CCDC192: variants seen among roughly 807,000 people sequenced by gnomAD.
The protein encoded by CCDC192 is coiled-coil domain-containing protein 192.
chr5:127,810,471 G>T (rs1386322845), intron 5 of CCDC192, among the ~76,000 whole-genome samples: 1 of 152,144 alleles, frequency 6.6e-6, no homozygotes, highest in Non-Finnish European at 1.5e-5. Context: ...ATGCTAAAAA[G>T]GGTAGTCTAG....
At chr5:127,920,349 T>C (rs765824652) in intron 6 of CCDC192, among the ~76,000 whole-genome samples, 2 of 151,342 alleles carry the variant, frequency 1.3e-5, no homozygotes, top group African/African-American at 4.9e-5. Context: ...ATGATGATGA[T>C]CATCATTATG....
chr5:127,906,004 A>C lies in CCDC192; in HGVS notation c.535+30343A>C, dbSNP rs7719995. 2.3e-3 allele frequency among the ~76,000 whole-genome samples: 352 copies of C among 152,306 alleles called. 2 individuals carry two copies. Among genetic ancestry groups the C allele is most frequent in the African/African-American group, 8.2e-3 (340 of 41,564 alleles). On this transcript the variant is annotated intron_variant, in intron 6 of 6. Coordinates refer to ENST00000514853, the MANE Select transcript of CCDC192 (RefSeq NM_001317938.2). ...TCAAAAATCACTTCTTTTTTTTATA[A>C]CTGTTTTTTTATTGTGGTAAAATAT...
chr5:127,827,557 A>G lies in CCDC192; in HGVS notation c.411+29395A>G, dbSNP rs576364997. Among the ~76,000 whole-genome samples the G allele has an allele frequency of 7.2e-5, 11 of 152,344 alleles. No individual in the cohort carries two copies. In the East Asian group the frequency reaches 2.1e-3, roughly 29 times the overall value. ...CTGGCATGGTTTATGGTGTCTTTAA[A>G]TACGGAACCAATCTGTTCTTAAATA... is the stretch of plus-strand genomic sequence containing the variant. On this transcript the variant is annotated intron_variant, in intron 5 of 6. Coordinates refer to ENST00000514853, the MANE Select transcript of CCDC192 (RefSeq NM_001317938.2).
intron 2 of CCDC192, among the ~76,000 whole-genome samples, chr5:127,708,092 T>C (rs1751073762): frequency 1.3e-5 from 2 of 152,190 alleles, no homozygotes; most frequent in South Asian, 4.1e-4. Context: ...TTTTGAAGTG[T>C]CAGCTTGTGT....
intron 2 of CCDC192, among the ~76,000 whole-genome samples, chr5:127,720,959 C>A (rs188041331): frequency 6.6e-6 from 1 of 152,352 alleles, no homozygotes; most frequent in East Asian, 1.9e-4. Context: ...CAAAACCATT[C>A]TTTCTTCCTT....
At chr5:127,914,003 G>A (rs1392159299) in intron 6 of CCDC192, among the ~76,000 whole-genome samples, 2 of 152,214 alleles carry the variant, frequency 1.3e-5, no homozygotes, top group Admixed American at 6.5e-5. Flanking sequence ...AAATGGAGAG[G>A]GGGGTAGAAA....
chr5:127,899,395 A>G (rs1324163579), intron 6 of CCDC192, among the ~76,000 whole-genome samples: 3 of 152,142 alleles, frequency 2.0e-5, no homozygotes, highest in Non-Finnish European at 2.9e-5. Context: ...CAATGCACAC[A>G]TTGGCAGGAG....
At chr5:127,904,284 C>T (rs1753137994) in intron 6 of CCDC192, among the ~76,000 whole-genome samples, 1 of 152,136 alleles carries the variant, frequency 6.6e-6, no homozygotes, top group African/African-American at 2.4e-5. Flanking sequence ...CCGGTGAAAC[C>T]TATGTTTGGA....
At chr5:127,853,507 T>C (rs1388709440) in intron 5 of CCDC192, among the ~76,000 whole-genome samples, 1 of 152,106 alleles carries the variant, frequency 6.6e-6, no homozygotes, top group Non-Finnish European at 1.5e-5. Context: ...GCGTGGTGGC[T>C]CATGCCTGTA....
chr5:127,903,946 T>C (rs536209870), intron 6 of CCDC192, among the ~76,000 whole-genome samples: 1 of 152,318 alleles, frequency 6.6e-6, no homozygotes, highest in South Asian at 2.1e-4. Flanking sequence ...AAGATGTCTT[T>C]ACCTAAATCC....
intron 2 of CCDC192, among the ~76,000 whole-genome samples, chr5:127,749,543 A>G (rs1275243496): frequency 1.3e-5 from 2 of 151,956 alleles, no homozygotes; most frequent in Non-Finnish European, 1.5e-5. Context: ...TTTTGCATCA[A>G]TGTTCATCAA....
intron 6 of CCDC192, among the ~76,000 whole-genome samples, chr5:127,889,931 C>G (rs1417237180): frequency 6.6e-6 from 1 of 151,328 alleles, no homozygotes; most frequent in African/African-American, 2.4e-5. Flanking sequence ...CTGGTTCTTA[C>G]TGCATTCCTT....
chr5:127,765,878 G>C (rs1423781270), intron 3 of CCDC192, among the ~76,000 whole-genome samples: 1 of 152,146 alleles, frequency 6.6e-6, no homozygotes, highest in African/African-American at 2.4e-5. Context: ...TGAAAAAGGA[G>C]TTGTCCATAT....
intron 2 of CCDC192, among the ~76,000 whole-genome samples, chr5:127,723,625 C>T (rs910821141): frequency 5.9e-5 from 9 of 152,162 alleles, no homozygotes; most frequent in African/African-American, 1.7e-4. Flanking sequence ...GAGAAGATAT[C>T]ATTCGAAGGG....
chr5:127,930,232 G>GTAAAC (rs10532099), intron 6 of CCDC192, among the ~76,000 whole-genome samples: 2,480 of 150,872 alleles, frequency 0.016, 81 homozygotes, highest in African/African-American at 0.056. Flanking sequence ...CTAAACTAAA[G>GTAAAC]TAAACTAAAC....
chr5:127,711,835 A>C (rs1751353625), intron 2 of CCDC192, among the ~76,000 whole-genome samples: 1 of 152,168 alleles, frequency 6.6e-6, no homozygotes, highest in Non-Finnish European at 1.5e-5. Flanking sequence ...TCTAATAGGT[A>C]AGAAATTACA....
chr5:127,731,601 C>T (rs1752643136), intron 2 of CCDC192, among the ~76,000 whole-genome samples: 1 of 152,142 alleles, frequency 6.6e-6, no homozygotes, highest in Admixed American at 6.5e-5. Flanking sequence ...CATTATGCTA[C>T]CTGATTTTAA....
chr5:127,911,558 GATAGAT>G (rs1753350458), intron 6 of CCDC192, among the ~76,000 whole-genome samples: 1 of 152,058 alleles, frequency 6.6e-6, no homozygotes, highest in Non-Finnish European at 1.5e-5. Context: ...TATATTTATT[GATAGAT>G]ATAGATATAC....
chr5:127,790,743 C>A (rs1580664004), intron 3 of CCDC192, among the ~76,000 whole-genome samples: 1 of 152,154 alleles, frequency 6.6e-6, no homozygotes, highest in East Asian at 1.9e-4. Context: ...TATGGGATAG[C>A]AAACAAGGCA....
Sources: gnomAD v4.1 joint callset for allele counts (sites outside exome capture counted in the v4.1 genomes callset) on GRCh38, gnomAD v4.1.1 for gene constraint, MANE v1.5 for transcripts, NCBI Gene and HGNC (gene_info 2026-07-23, HGNC 2026-07-21) for gene names.